Variants in CMTR1 observed in about 807,000 individuals in gnomAD.
The protein encoded by CMTR1 is cap methyltransferase 1.
A neutral mutation model predicts 107.0 loss-of-function variants in CMTR1; 39 were observed. The ratio of observed to expected loss-of-function variants is 0.36; its 90% CI spans 0.28 to 0.48. CMTR1 has a LOEUF of 0.48. CMTR1 is among the 20% of genes least tolerant of loss of function. The probability of loss-of-function intolerance (pLI) is 0.99; values close to 1 mark genes in which losing one functional copy is unlikely to be tolerated. For synonymous variants in CMTR1, 366 were observed against 379.5 expected (o/e 0.96, Z 0.41); for missense variants, 672 against 1,064.9 (o/e 0.63, Z 5.14).
rs556588173 is a variant in CMTR1 at position 37,469,157 on chromosome 6, C to T, written c.1506-1864C>T. 1.8e-4 allele frequency among the ~76,000 whole-genome samples: 27 copies of T among 151,832 alleles called. 1 individual carries two copies. Among genetic ancestry groups the T allele is most frequent in the Middle Eastern group, 3.4e-3 (1 of 294 alleles). On this transcript the variant is annotated intron_variant, in intron 13 of 23. Transcript: ENST00000373451. ...TTAAAAAAAAAACAAAAACAAAAAACAAAACAAAAAACTATTTCCCTTTCA... is the reference window on the plus strand; with the variant it reads ...TTAAAAAAAAAACAAAAACAAAAAATAAAACAAAAAACTATTTCCCTTTCA...
At chr6:37,452,915 A>G (rs992785393) in intron 6 of CMTR1, 132 bp from the exon 7 acceptor site, 3 of 777,650 alleles carry the variant, frequency 3.9e-6, no homozygotes. Flanking sequence ...GTAGGGTCAC[A>G]CAGTGAGACA....
intron 22 of CMTR1, 74 bp downstream of exon 22, chr6:37,478,595 T>C (rs1031638442): frequency 1.1e-5 from 13 of 1,229,426 alleles, no homozygotes; most frequent in Non-Finnish European, 1.4e-5. Flanking sequence ...GTCCAGACCC[T>C]ACCTGAGCCA....
intron 3 of CMTR1, among the ~76,000 whole-genome samples, chr6:37,444,673 C>T (rs1431744982): frequency 2.0e-5 from 3 of 152,122 alleles, no homozygotes; most frequent in Non-Finnish European, 4.4e-5. Flanking sequence ...GCTCATATTC[C>T]TTAGTGTATG....
intron 2 of CMTR1, among the ~76,000 whole-genome samples, chr6:37,439,010 A>G (rs1445937587): frequency 6.6e-6 from 1 of 152,148 alleles, no homozygotes; most frequent in African/African-American, 2.4e-5. Flanking sequence ...AGTAGTTACT[A>G]TTTCTGTCTG....
At chr6:37,448,927 A>G (rs1581734061) in intron 4 of CMTR1, among the ~76,000 whole-genome samples, 1 of 152,170 alleles carries the variant, frequency 6.6e-6, no homozygotes, top group South Asian at 2.1e-4. Context: ...GGTCTCAGGC[A>G]TCAGTACTAT....
intron 1 of CMTR1, 56 bp from the exon 2 acceptor site, chr6:37,435,568 G>A: frequency 6.4e-7 from 1 of 1,556,904 alleles, no homozygotes. Context: ...AATCCCTGCT[G>A]TGATCCCAGT....
chr6:37,434,607 G>A (rs1320208710), intron 1 of CMTR1, among the ~76,000 whole-genome samples: 2 of 152,108 alleles, frequency 1.3e-5, no homozygotes, highest in African/African-American at 4.8e-5. Context: ...GATTGATGGT[G>A]GCATGGTGCC....
chr6:37,424,688 G>A, the CMTR1 span, among the ~76,000 whole-genome samples: 1 of 151,864 alleles, frequency 6.6e-6, no homozygotes, highest in Admixed American at 6.6e-5. Context: ...TTTTTTTAAT[G>A]TAGCCATCTC....
At chr6:37,444,221 AT>A in intron 3 of CMTR1, 71 bp downstream of exon 3, 3 of 1,555,330 alleles carry the variant, frequency 1.9e-6, no homozygotes, top group Non-Finnish European at 2.6e-6. Context: ...TTGTATTTGT[AT>A]GAAAAGAAGA....
At chr6:37,442,260 A>G (rs747850962) in intron 2 of CMTR1, among the ~76,000 whole-genome samples, 9 of 152,190 alleles carry the variant, frequency 5.9e-5, no homozygotes, top group African/African-American at 9.7e-5. Flanking sequence ...TCCTAATTCA[A>G]CCTACTGGTG....
Position 37,435,805 on chromosome 6 carries a change from A to G in CMTR1, c.133+43A>G, listed in dbSNP as rs747688550. On this transcript the variant is annotated intron_variant, in intron 2 of 23. Coordinates refer to ENST00000373451, the MANE Select transcript of CMTR1 (RefSeq NM_015050.3). ...GTCTGAGGCCACTGGCCATCTGGTT[A>G]TTTGAACACACAGTGTCTAATCTAG... 14 of 1,543,906 alleles carry G rather than the reference A, an allele frequency of 9.1e-6. 1 individual carries two copies. The South Asian group carries it at 1.8e-4, about 20-fold the overall frequency.
intron 13 of CMTR1, among the ~76,000 whole-genome samples, chr6:37,470,312 G>A (rs1009518627): frequency 2.0e-5 from 3 of 151,830 alleles, no homozygotes; most frequent in Non-Finnish European, 2.9e-5. Flanking sequence ...ACGCCCGGCT[G>A]ATTTTTTGTA....
intron 2 of CMTR1, among the ~76,000 whole-genome samples, chr6:37,437,534 G>C (rs1388692325): frequency 2.0e-5 from 2 of 100,022 alleles, no homozygotes; most frequent in Non-Finnish European, 4.1e-5. Flanking sequence ...AAAAAAAAAA[G>C]CTCATCAGCT....
intron 6 of CMTR1, among the ~76,000 whole-genome samples, chr6:37,452,239 C>T (rs896557457): frequency 4.6e-5 from 7 of 152,096 alleles, no homozygotes; most frequent in Non-Finnish European, 7.4e-5. Flanking sequence ...GACCTTGGCC[C>T]GGTGGTTTTA....
chr6:37,475,618 G>A lies in CMTR1; in HGVS notation c.2036+206G>A, dbSNP rs1028575715. 1.7e-5 allele frequency: 10 copies of A among 594,356 alleles called. No homozygotes were observed. The African/African-American group carries it at 1.9e-4, about 11-fold the overall frequency. 36.8% of individuals were successfully genotyped at this position (594,356 alleles called of 1,614,324 possible). Reference sequence around the variant, plus strand: ...CAGAGTTTGCTAGGGCTTGGGCCCTGGTTATCAGAGATACCAGCACACTCC... The same window carrying A: ...CAGAGTTTGCTAGGGCTTGGGCCCTAGTTATCAGAGATACCAGCACACTCC... On this transcript the variant is annotated intron_variant, in intron 19 of 23. Coordinates refer to ENST00000373451, the MANE Select transcript of CMTR1 (RefSeq NM_015050.3).
chr6:37,434,987 G>C (rs1771494427), intron 1 of CMTR1, among the ~76,000 whole-genome samples: 1 of 152,134 alleles, frequency 6.6e-6, no homozygotes, highest in Non-Finnish European at 1.5e-5. Flanking sequence ...CTGTGGTATA[G>C]CTACCTCCAG....
chr6:37,475,312 T>C lies in CMTR1; in HGVS notation c.1945-9T>C. ...GCAGAGTGGGCAGTGTACCTACTTA[T>C]CCTTCTAGGGGAAGGCCCAGAGGAA... is the stretch of plus-strand genomic sequence containing the variant. On this transcript the variant is annotated splice_polypyrimidine_tract_variant and intron_variant, in intron 18 of 23. Transcript: ENST00000373451. 1 of 1,612,046 alleles carries C rather than the reference T, an allele frequency of 6.2e-7. No individual in the cohort carries two copies. Among genetic ancestry groups the C allele is most frequent in the Non-Finnish European group, 8.5e-7 (1 of 1,178,626 alleles).
chr6:37,438,160 G>C (rs1016670066), intron 2 of CMTR1, among the ~76,000 whole-genome samples: 3 of 152,070 alleles, frequency 2.0e-5, no homozygotes, highest in African/African-American at 7.2e-5. Flanking sequence ...TGGGCGGATT[G>C]CTTGAGCCCA....
chr6:37,478,597 C>A (rs1427820136), intron 22 of CMTR1, 76 bp downstream of exon 22: 2 of 1,222,748 alleles, frequency 1.6e-6, no homozygotes, highest in Non-Finnish European at 2.4e-6. Flanking sequence ...CCAGACCCTA[C>A]CTGAGCCAGA....
Sources: gnomAD v4.1 joint callset for allele counts (sites outside exome capture counted in the v4.1 genomes callset) on GRCh38, gnomAD v4.1.1 for gene constraint, MANE v1.5 for transcripts, NCBI Gene and HGNC (gene_info 2026-07-23, HGNC 2026-07-21) for gene names.